The following TMTC1 variants were observed in gnomAD, a reference collection of about 807,000 sequenced individuals.
The protein encoded by TMTC1 is protein O-mannosyl-transferase TMTC1.
In TMTC1, 73 loss-of-function variants were observed where a neutral mutation model predicts 104.8. The observed-to-expected ratio is 0.70, with a 90% CI of 0.58 to 0.85. The LOEUF (loss-of-function observed/expected upper bound fraction) is 0.85, where lower values mean the gene tolerates loss of function less well. Ranked by LOEUF, TMTC1 falls within the 40% of genes least tolerant of loss-of-function variation. The pLI is 0.00. For missense variants in TMTC1, 1,035 were observed against 1,096.1 expected (o/e 0.94, Z 0.79); for synonymous variants, 434 against 428.7 (o/e 1.01, Z -0.15).
At chr12:29,621,862 C>T (rs1273637654) in intron 6 of TMTC1, among the ~76,000 whole-genome samples, 4 of 152,092 alleles carry the variant, frequency 2.6e-5, no homozygotes, top group Non-Finnish European at 2.9e-5. Context: ...GCTGCATTAG[C>T]CCTACCCCAC....
chr12:29,777,855 C>T (rs193262456), intron 1 of TMTC1, among the ~76,000 whole-genome samples: 28 of 152,286 alleles, frequency 1.8e-4, no homozygotes, highest in Middle Eastern at 6.8e-3. Context: ...ACAAACTTAT[C>T]AGCCTTGTGG....
At chr12:29,531,236 G>A (rs951594132) in intron 11 of TMTC1, among the ~76,000 whole-genome samples, 1 of 152,028 alleles carries the variant, frequency 6.6e-6, no homozygotes, top group Non-Finnish European at 1.5e-5. Context: ...TAGGGTCTTC[G>A]TCCAAGTTGA....
chr12:29,589,326 C>G (rs1267373508), intron 7 of TMTC1, among the ~76,000 whole-genome samples: 1 of 152,166 alleles, frequency 6.6e-6, no homozygotes, highest in Admixed American at 6.5e-5. Flanking sequence ...CCAGGCATGT[C>G]CTTAATCTTG....
intron 10 of TMTC1, among the ~76,000 whole-genome samples, chr12:29,555,134 CTTTTTTTTTTT>C (rs77513599): frequency 0.06 from 5,299 of 88,252 alleles, 186 homozygotes; most frequent in Middle Eastern, 0.19. Context: ...TTCCAACATC[CTTTTTTTTTTT>C]TTTTTTTTTT....
rs185992287 is a variant in TMTC1 at position 29,754,130 on chromosome 12, G to T, written c.731+1579C>A. 5.9e-3 allele frequency among the ~76,000 whole-genome samples: 886 copies of T among 150,942 alleles called. 7 individuals are homozygous for T. The highest frequency in any genetic ancestry group is 0.024 in the Middle Eastern group (7 of 294). On this transcript the variant is annotated intron_variant, in intron 4 of 17. Coordinates refer to ENST00000539277, the MANE Select transcript of TMTC1 (RefSeq NM_001193451.2). ...TCTGCCGGCCTTGGCCTCCCAAAGT[G>T]CTGGGATTACAGGCGTGAGCCACCA... is the stretch of plus-strand genomic sequence containing the variant.
chr12:29,584,613 C>T (rs1368796229), intron 7 of TMTC1, among the ~76,000 whole-genome samples: 2 of 151,882 alleles, frequency 1.3e-5, no homozygotes, highest in Non-Finnish European at 2.9e-5. Flanking sequence ...CCACAACAGT[C>T]CCGGTGTGTG....
intron 10 of TMTC1, among the ~76,000 whole-genome samples, chr12:29,549,689 T>C (rs1945043733): frequency 6.6e-6 from 1 of 152,162 alleles, no homozygotes. Context: ...AAGGAAACTG[T>C]AATATTTCAC....
chr12:29,691,257 C>T (rs952747107), intron 5 of TMTC1, among the ~76,000 whole-genome samples: 8 of 152,236 alleles, frequency 5.3e-5, no homozygotes, highest in Admixed American at 4.6e-4. Context: ...ACCACCCAGA[C>T]CAGCAATCTG....
In TMTC1 at chr12:29,692,821, GAAAGTAGT is replaced by G. The variant is rs748219996; in HGVS notation, c.938+58837_938+58844del. Among the ~76,000 whole-genome samples, 9 of 145,004 alleles carry G rather than the reference GAAAGTAGT, an allele frequency of 6.2e-5. 1 individual carries two copies. The highest frequency in any genetic ancestry group is 1.1e-4 in the Non-Finnish European group (7 of 66,162). On this transcript the variant is annotated intron_variant, in intron 5 of 17. Transcript: ENST00000539277. Reference sequence around the variant, plus strand: ...ACACGATTCAGCAATAAAAATAGAAGAAAGTAGTAATACATGTTATAACATAGATAAAC... The same window carrying G: ...ACACGATTCAGCAATAAAAATAGAAGAATACATGTTATAACATAGATAAAC...
chr12:29,728,996 T>TA (rs1209871947), intron 5 of TMTC1, among the ~76,000 whole-genome samples: 15 of 66,942 alleles, frequency 2.2e-4, no homozygotes, highest in Admixed American at 2.1e-3. Context: ...AGACTCCATC[T>TA]CCAAAAAAAA....
At chr12:29,604,626 T>C (rs1946650719) in intron 6 of TMTC1, among the ~76,000 whole-genome samples, 1 of 152,202 alleles carries the variant, frequency 6.6e-6, no homozygotes, top group Non-Finnish European at 1.5e-5. Context: ...TCAGAATCCC[T>C]GTCTTTCCAG....
At chr12:29,688,408 T>C (rs1395541709) in intron 5 of TMTC1, among the ~76,000 whole-genome samples, 1 of 152,226 alleles carries the variant, frequency 6.6e-6, no homozygotes, top group Non-Finnish European at 1.5e-5. Flanking sequence ...TTGGATCCTA[T>C]GCAACTCCCA....
At chr12:29,762,303 G>A (rs1000206904) in intron 2 of TMTC1, among the ~76,000 whole-genome samples, 21 of 152,188 alleles carry the variant, frequency 1.4e-4, no homozygotes, top group Non-Finnish European at 1.5e-5. Context: ...CCCTCAGGGT[G>A]GTTGTAATTC....
At chr12:29,624,791 G>C (rs1937890938) in intron 6 of TMTC1, among the ~76,000 whole-genome samples, 1 of 152,166 alleles carries the variant, frequency 6.6e-6, no homozygotes, top group Non-Finnish European at 1.5e-5. Flanking sequence ...CTTTCATTTT[G>C]TTCACTGTGC....
intron 7 of TMTC1, among the ~76,000 whole-genome samples, chr12:29,585,375 T>C (rs925620952): frequency 8.5e-5 from 13 of 152,360 alleles, no homozygotes; most frequent in African/African-American, 3.1e-4. Flanking sequence ...AAAAATTTTC[T>C]CCCATTCTGT....
chr12:29,627,710 C>A (rs934229551), intron 6 of TMTC1, among the ~76,000 whole-genome samples: 19 of 143,064 alleles, frequency 1.3e-4, no homozygotes, highest in African/African-American at 4.1e-4. Context: ...AAAAAACCAT[C>A]GAAAGTAGGA....
At chr12:29,712,814 T>C (rs1331069922) in intron 5 of TMTC1, among the ~76,000 whole-genome samples, 1 of 152,210 alleles carries the variant, frequency 6.6e-6, no homozygotes. Context: ...ATTCAACAAG[T>C]GGTAGTTTCT....
intron 6 of TMTC1, among the ~76,000 whole-genome samples, chr12:29,618,555 ATT>A (rs147446346): frequency 5.5e-5 from 8 of 146,502 alleles, no homozygotes; most frequent in Admixed American, 1.4e-4. Flanking sequence ...GGAATTTTAG[ATT>A]TTTTTTTTTT....
At chr12:29,589,438 T>C (rs1946223781) in intron 7 of TMTC1, among the ~76,000 whole-genome samples, 1 of 152,186 alleles carries the variant, frequency 6.6e-6, no homozygotes, top group Non-Finnish European at 1.5e-5. Flanking sequence ...AACCCAGGAA[T>C]TTCAGATTCC....
Sources: allele counts gnomAD v4.1 joint callset (sites outside exome capture counted in the v4.1 genomes callset), GRCh38; gene constraint gnomAD v4.1.1; transcripts MANE v1.5; gene names NCBI Gene and HGNC (gene_info 2026-07-23, HGNC 2026-07-21).